PTPRD: variants seen among roughly 807,000 people sequenced by gnomAD.
PTPRD encodes the protein receptor-type tyrosine-protein phosphatase delta.
Under a neutral mutation model 214.5 loss-of-function variants are expected in PTPRD, and 34 were observed. The observed-to-expected ratio is 0.16, with a 90% confidence interval of 0.12 to 0.21. The LOEUF is 0.21. PTPRD is among the 10% of genes least tolerant of loss of function. The pLI is 1.00. For missense variants in PTPRD, 2,545 were observed against 2,398.7 expected, an observed-to-expected ratio of 1.06 and a Z score of -1.27; for synonymous variants, 1,128 against 845.7, an observed-to-expected ratio of 1.33 and a Z score of -5.79.
chr9:9,378,901 G>A (rs954397186), intron 9 of PTPRD, among the ~76,000 whole-genome samples: 15 of 151,574 alleles, frequency 9.9e-5, no homozygotes, highest in South Asian at 2.1e-4. Context: ...TTGGATAACC[G>A]CTCCTTATCA....
chr9:9,114,228 G>T (rs190966045), intron 10 of PTPRD, among the ~76,000 whole-genome samples: 3 of 152,162 alleles, frequency 2.0e-5, no homozygotes, highest in Admixed American at 2.0e-4. Context: ...GGTAGTTCGG[G>T]TGCAAACAGG....
rs2091104953 is a variant in PTPRD, at chr9:10,241,766, G to A, written c.-545+99197C>T. Among the ~76,000 whole-genome samples, 4 of 151,670 alleles carry A rather than the reference G, an allele frequency of 2.6e-5. No individual in the cohort carries two copies. The South Asian group carries it at 8.3e-4, about 32-fold the overall frequency. ...TGGATCTGTTTATTATTTTCATGTGGGTATAATTTCATAAATAAATACATA... is the reference window on the plus strand; with the variant it reads ...TGGATCTGTTTATTATTTTCATGTGAGTATAATTTCATAAATAAATACATA... On this transcript the variant is annotated intron_variant, in intron 3 of 45. Transcript: ENST00000381196.
chr9:8,721,815 T>C (rs1798721462), intron 12 of PTPRD, among the ~76,000 whole-genome samples: 1 of 152,220 alleles, frequency 6.6e-6, no homozygotes, highest in South Asian at 2.1e-4. Context: ...TTCAAGAGCT[T>C]GTGAAAGGTC....
intron 44 of PTPRD, among the ~76,000 whole-genome samples, chr9:8,321,626 A>G (rs10976949): frequency 0.099 from 14,972 of 150,582 alleles, 855 homozygotes; most frequent in African/African-American, 0.14. Flanking sequence ...TAACACATTT[A>G]TGTACCTATA....
intron 36 of PTPRD, among the ~76,000 whole-genome samples, chr9:8,389,713 G>C (rs2088744081): frequency 6.6e-6 from 1 of 152,058 alleles, no homozygotes; most frequent in South Asian, 2.1e-4. Context: ...AAAAAAAATA[G>C]TTTCCAAAGA....
chr9:8,788,742 T>G (rs1033163660), intron 11 of PTPRD, among the ~76,000 whole-genome samples: 1 of 152,110 alleles, frequency 6.6e-6, no homozygotes, highest in African/African-American at 2.4e-5. Context: ...TCAGGAAAAA[T>G]AGCCCAAGTC....
intron 9 of PTPRD, among the ~76,000 whole-genome samples, chr9:9,300,406 T>C (rs1223482833): frequency 2.0e-5 from 3 of 151,804 alleles, no homozygotes; most frequent in Non-Finnish European, 4.4e-5. Flanking sequence ...AATCTCTTTT[T>C]AGACAGCGCC....
chr9:9,444,225 T>A (rs1321717899), intron 8 of PTPRD, among the ~76,000 whole-genome samples: 1 of 152,100 alleles, frequency 6.6e-6, no homozygotes, highest in African/African-American at 2.4e-5. Flanking sequence ...GATAGGAGAG[T>A]TCTATAATAT....
At chr9:8,508,951 G>A (rs1199224786) in intron 21 of PTPRD, among the ~76,000 whole-genome samples, 2 of 150,612 alleles carry the variant, frequency 1.3e-5, no homozygotes, top group Non-Finnish European at 3.0e-5. Context: ...TTGGACTGAT[G>A]CTTAAGGTCA....
chr9:9,371,393 T>C (rs1283319357), intron 9 of PTPRD, among the ~76,000 whole-genome samples: 1 of 152,238 alleles, frequency 6.6e-6, no homozygotes, highest in East Asian at 1.9e-4. Flanking sequence ...TTCTAGTTTA[T>C]GTGCGTAGAG....
At chr9:9,917,902 G>C (rs764164326) in intron 5 of PTPRD, among the ~76,000 whole-genome samples, 19 of 145,844 alleles carry the variant, frequency 1.3e-4, no homozygotes, top group Non-Finnish European at 2.3e-4. Context: ...AAATTAATTA[G>C]GTATAAAAGG....
intron 7 of PTPRD, among the ~76,000 whole-genome samples, chr9:9,579,553 G>C (rs1021829548): frequency 1.3e-5 from 2 of 151,832 alleles, no homozygotes; most frequent in Admixed American, 6.6e-5. Context: ...AGCCCAGCAT[G>C]CATGATCTTT....
chr9:8,809,356 C>T (rs535248295), intron 11 of PTPRD, among the ~76,000 whole-genome samples: 2 of 152,200 alleles, frequency 1.3e-5, no homozygotes, highest in South Asian at 2.1e-4. Context: ...TAGAAATTGG[C>T]ATCTGCATCT....
At chr9:9,466,705 A>G (rs1428856981) in intron 8 of PTPRD, among the ~76,000 whole-genome samples, 1 of 152,136 alleles carries the variant, frequency 6.6e-6, no homozygotes, top group East Asian at 1.9e-4. Flanking sequence ...TATTTAAAAT[A>G]TATTTTTTCT....
At chr9:9,897,915 G>A (rs1032550639) in intron 5 of PTPRD, among the ~76,000 whole-genome samples, 2 of 151,808 alleles carry the variant, frequency 1.3e-5, no homozygotes, top group African/African-American at 4.8e-5. Context: ...TGTTGCAACT[G>A]TTCACCTTTG....
chr9:9,912,562 TC>T (rs1293743886), intron 5 of PTPRD, among the ~76,000 whole-genome samples: 8 of 152,280 alleles, frequency 5.3e-5, no homozygotes, highest in Admixed American at 5.2e-4. Flanking sequence ...GTAATGAAGC[TC>T]CCCTGAGAGA....
In PTPRD at chr9:10,114,315, A is replaced by G. The variant is rs1284878528; in HGVS notation, c.-544-80525T>C. Among the ~76,000 whole-genome samples the G allele has an allele frequency of 2.6e-5, 4 of 152,160 alleles. No individual in the cohort carries two copies. In the South Asian group the frequency reaches 6.2e-4, roughly 24 times the overall value. On this transcript the variant is annotated intron_variant, in intron 3 of 45. Coordinates refer to ENST00000381196, the MANE Select transcript of PTPRD (RefSeq NM_002839.4). ...AGGGGTCAAAGGAAATAGGATATGG[A>G]TCAAGCAAAGAACCACTTTCGGCCA...
intron 2 of PTPRD, among the ~76,000 whole-genome samples, chr9:10,369,936 T>C (rs2097579671): frequency 1.3e-5 from 2 of 152,114 alleles, no homozygotes; most frequent in Admixed American, 6.6e-5. Context: ...AGCTTGTGCT[T>C]AATTATATGC....
At chr9:8,391,343 A>C (rs907418730) in intron 36 of PTPRD, among the ~76,000 whole-genome samples, 3 of 152,170 alleles carry the variant, frequency 2.0e-5, no homozygotes, top group African/African-American at 7.2e-5. Flanking sequence ...TTAGTTGAAA[A>C]GCCTTTTGAG....
Sources: gnomAD v4.1 joint callset for allele counts (sites outside exome capture counted in the v4.1 genomes callset) on GRCh38, gnomAD v4.1.1 for gene constraint, MANE v1.5 for transcripts, NCBI Gene and HGNC (gene_info 2026-07-23, HGNC 2026-07-21) for gene names.